MIR2052HG: variants seen among roughly 807,000 people sequenced by gnomAD.
MIR2052HG encodes the protein MIR2052 host gene.
intron 2 of MIR2052HG, among the ~76,000 whole-genome samples, chr8:74,617,517 T>C (rs1356145216): frequency 1.1e-4 from 16 of 151,954 alleles, no homozygotes; most frequent in Admixed American, 1.1e-3. Flanking sequence ...GCACACATTT[T>C]ATATAAAAAT....
chr8:74,727,935 T>C (rs773771135), intron 4 of MIR2052HG, among the ~76,000 whole-genome samples: 11 of 150,816 alleles, frequency 7.3e-5, no homozygotes, highest in African/African-American at 1.2e-4. Flanking sequence ...ATTGTGCATG[T>C]AGGATGAACT....
At chr8:74,692,422 TA>T (rs1488873804) in intron 2 of MIR2052HG, among the ~76,000 whole-genome samples, 9 of 152,184 alleles carry the variant, frequency 5.9e-5, no homozygotes, top group Non-Finnish European at 8.8e-5. Flanking sequence ...AAAACTGGGT[TA>T]ATAGTAGTAA....
At chr8:74,714,549 G>A (rs1012223878) in intron 4 of MIR2052HG, among the ~76,000 whole-genome samples, 1 of 151,998 alleles carries the variant, frequency 6.6e-6, no homozygotes, top group Non-Finnish European at 1.5e-5. Flanking sequence ...ATGCTAGTGT[G>A]GTTTTGTTCT....
intron 4 of MIR2052HG, among the ~76,000 whole-genome samples, chr8:74,722,981 G>A (rs1056889800): frequency 5.3e-5 from 8 of 152,186 alleles, no homozygotes; most frequent in Non-Finnish European, 8.8e-5. Context: ...CAGCTTGTGT[G>A]TTAACACCTG....
chr8:74,665,450 T>C (rs928220563), intron 2 of MIR2052HG, among the ~76,000 whole-genome samples: 4 of 152,178 alleles, frequency 2.6e-5, no homozygotes, highest in Non-Finnish European at 5.9e-5. Context: ...CACATCTCTA[T>C]TGAAGCTCTT....
intron 2 of MIR2052HG, among the ~76,000 whole-genome samples, chr8:74,644,367 G>A (rs1033987502): frequency 6.6e-6 from 1 of 152,136 alleles, no homozygotes; most frequent in Non-Finnish European, 1.5e-5. Flanking sequence ...TACAGTATTA[G>A]TATAGTAACA....
intron 4 of MIR2052HG, among the ~76,000 whole-genome samples, chr8:74,716,254 T>G (rs1456442161): frequency 6.6e-6 from 1 of 152,166 alleles, no homozygotes; most frequent in African/African-American, 2.4e-5. Context: ...AATGGGTGCT[T>G]GTAGTAGGCA....
chr8:74,703,732 A>G (rs745316571), intron 4 of MIR2052HG: 9 of 427,844 alleles, frequency 2.1e-5, no homozygotes, highest in South Asian at 1.5e-4. Flanking sequence ...ATGTGGATGA[A>G]AGTCAAGTGA....
intron 2 of MIR2052HG, among the ~76,000 whole-genome samples, chr8:74,620,199 GC>G (rs1270549314): frequency 6.6e-6 from 1 of 152,224 alleles, no homozygotes; most frequent in East Asian, 1.9e-4. Context: ...AGGCAGCTCT[GC>G]CCCTCTGGCT....
At chr8:74,671,937 G>T (rs1808997575) in intron 2 of MIR2052HG, among the ~76,000 whole-genome samples, 1 of 152,084 alleles carries the variant, frequency 6.6e-6, no homozygotes, top group Non-Finnish European at 1.5e-5. Context: ...GAAGAAAAAT[G>T]ATCTCTTTCA....
chr8:74,755,385 C>T (rs952442154), intron 5 of MIR2052HG, among the ~76,000 whole-genome samples: 7 of 152,162 alleles, frequency 4.6e-5, no homozygotes, highest in Non-Finnish European at 8.8e-5. Context: ...CACAAATACG[C>T]GGTTTCAGTT....
At chr8:74,676,291 G>A (rs1224665046) in intron 2 of MIR2052HG, among the ~76,000 whole-genome samples, 2 of 152,028 alleles carry the variant, frequency 1.3e-5, no homozygotes, top group African/African-American at 4.8e-5. Context: ...GTTGTATAAT[G>A]TCTGATGTCT....
At chr8:74,713,687 T>C (rs1226505879) in intron 4 of MIR2052HG, among the ~76,000 whole-genome samples, 4 of 152,082 alleles carry the variant, frequency 2.6e-5, no homozygotes, top group East Asian at 1.9e-4. Flanking sequence ...TTGGAAAATA[T>C]ACAGTCAAAT....
At chr8:74,715,317 GA>G (rs1809509573) in intron 4 of MIR2052HG, among the ~76,000 whole-genome samples, 1 of 152,178 alleles carries the variant, frequency 6.6e-6, no homozygotes, top group Admixed American at 6.5e-5. Context: ...ACATTGATTA[GA>G]TTGGCAACAG....
chr8:74,696,106 A>G (rs985073660), intron 2 of MIR2052HG, among the ~76,000 whole-genome samples: 3 of 152,172 alleles, frequency 2.0e-5, no homozygotes, highest in African/African-American at 2.4e-5. Flanking sequence ...AAAGAAAATC[A>G]AAATTATATC....
intron 4 of MIR2052HG, among the ~76,000 whole-genome samples, chr8:74,740,774 T>C (rs1424793326): frequency 6.6e-6 from 1 of 152,160 alleles, no homozygotes; most frequent in African/African-American, 2.4e-5. Flanking sequence ...TCTTATTGCT[T>C]TGAACAAGTA....
intron 2 of MIR2052HG, among the ~76,000 whole-genome samples, chr8:74,653,714 C>A (rs1294287615): frequency 6.6e-6 from 1 of 152,126 alleles, no homozygotes; most frequent in Non-Finnish European, 1.5e-5. Context: ...CAGTCTGAAA[C>A]AAATTGCAAC....
At chr8:74,730,684 T>C (rs1027395760) in intron 4 of MIR2052HG, among the ~76,000 whole-genome samples, 1 of 152,188 alleles carries the variant, frequency 6.6e-6, no homozygotes, top group African/African-American at 2.4e-5. Context: ...AATTTTGGAA[T>C]TTCAAACTTC....
At chr8:74,622,619 A>T (rs1356699591) in intron 2 of MIR2052HG, among the ~76,000 whole-genome samples, 1 of 152,076 alleles carries the variant, frequency 6.6e-6, no homozygotes, top group African/African-American at 2.4e-5. Flanking sequence ...ATTAGAAAAA[A>T]AATTTTAAAA....
Sources: gnomAD v4.1 joint callset for allele counts (sites outside exome capture counted in the v4.1 genomes callset) on GRCh38, gnomAD v4.1.1 for gene constraint, MANE v1.5 for transcripts, NCBI Gene and HGNC (gene_info 2026-07-23, HGNC 2026-07-21) for gene names.